Variants in FRMPD2 observed in about 807,000 individuals in gnomAD.
The protein encoded by FRMPD2 is FERM and PDZ domain-containing protein 2.
FRMPD2 carries 96 observed loss-of-function variants against 140.1 expected under a neutral mutation model. The ratio of observed to expected loss-of-function variants is 0.69; its 90% confidence interval spans 0.58 to 0.81. The LOEUF is 0.81. Among genes scored for constraint, FRMPD2 ranks in the 40% least tolerant of loss-of-function variants. FRMPD2 has a pLI of 0.00. For missense variants in FRMPD2, 1,240 were observed against 1,447.4 expected (o/e 0.86, Z 2.32); for synonymous variants, 449 against 547.6 (o/e 0.82, Z 2.52).
intron 4 of FRMPD2, among the ~76,000 whole-genome samples, chr10:48,244,467 T>A (rs1840198964): frequency 6.6e-6 from 1 of 152,242 alleles, no homozygotes; most frequent in South Asian, 2.1e-4. Context: ...AAAATATATG[T>A]AAATCTGTAT....
chr10:48,199,700 T>A (rs1325833677), intron 15 of FRMPD2: 1 of 152,174 alleles, frequency 6.6e-6, no homozygotes, highest in African/African-American at 2.4e-5. Flanking sequence ...TACCAAACTC[T>A]CAATTAAGAG....
chr10:48,223,074 A>G (rs753730028), intron 11 of FRMPD2, 49 bp downstream of exon 11: 1 of 1,548,644 alleles, frequency 6.5e-7, no homozygotes, highest in Non-Finnish European at 8.8e-7. Flanking sequence ...GTCAGCCTGG[A>G]CATACATAAA....
At chr10:48,188,569 G>C (rs1049609766) in intron 16 of FRMPD2, among the ~76,000 whole-genome samples, 1 of 152,220 alleles carries the variant, frequency 6.6e-6, no homozygotes, top group Non-Finnish European at 1.5e-5. Flanking sequence ...TCCCCAGCCT[G>C]CTGTGGGATG....
intron 1 of FRMPD2, among the ~76,000 whole-genome samples, chr10:48,265,861 C>G (rs1840668373): frequency 6.6e-6 from 1 of 152,184 alleles, no homozygotes; most frequent in African/African-American, 2.4e-5. Flanking sequence ...AATCCCACTA[C>G]TGGGTATATA....
In FRMPD2 at chr10:48,222,373, C is replaced by A. The variant is rs754454601; in HGVS notation, c.1395G>T (p.Glu465Asp). 1.6e-5 allele frequency: 26 copies of A among 1,614,104 alleles called. No homozygotes were observed. The highest frequency in any genetic ancestry group is 2.0e-5 in the Non-Finnish European group (24 of 1,180,028). Residue 465 changes from glutamate (E) to aspartate (D), a missense_variant, in exon 12 of 29, where the codon GAG becomes GAT. Physicochemically the swap from Glu to Asp is conservative, Grantham distance 45. Transcript: ENST00000374201. ...CAAGGACCCCCAGCTGCAGCAGTAT[C>A]TCTTCATTGCAGTACAGCCTCTCCT... The part of the protein sequence containing the change: ...ILEERLYCNE[E>D]ILLQLGVLAL...
At chr10:48,222,667 T>G (rs1018380105) in intron 11 of FRMPD2, among the ~76,000 whole-genome samples, 1 of 152,212 alleles carries the variant, frequency 6.6e-6, no homozygotes, top group African/African-American at 2.4e-5. Flanking sequence ...GCCAGTCACT[T>G]CATACAAACT....
rs570196095 is a variant in FRMPD2 at position 48,240,378 on chromosome 10, A to G, written c.682T>C (p.Cys228Arg). ...TACCCACCTCTGCAAGGATGCAGAC[A>G]CTCCGGGGCCTGTGCCGCTGGGCTC... ...SESPAAQAPE[C>R]LHPCRVSERS... is the part of the protein sequence containing the mutation. The change falls in exon 6 of 29, where the codon TGT becomes CGT. Residue 228 changes from cysteine (C) to arginine (R), a missense_variant. Physicochemically the swap from Cys to Arg is radical, Grantham distance 180. Transcript: ENST00000374201. 5.2e-5 allele frequency: 84 copies of G among 1,612,638 alleles called. 2 individuals carry two copies. In the Admixed American group the frequency reaches 1.0e-3, roughly 19 times the overall value.
At chr10:48,246,240 T>C (rs1190131015) in intron 3 of FRMPD2, among the ~76,000 whole-genome samples, 1 of 152,170 alleles carries the variant, frequency 6.6e-6, no homozygotes. Flanking sequence ...TGATGGAGCA[T>C]AGAGACTCAT....
At chr10:48,235,563 T>C (rs1839948213) in intron 9 of FRMPD2, among the ~76,000 whole-genome samples, 1 of 152,078 alleles carries the variant, frequency 6.6e-6, no homozygotes, top group South Asian at 2.1e-4. Flanking sequence ...GAAGGACAAG[T>C]GGAGGGCGAT....
intron 16 of FRMPD2, 107 bp downstream of exon 16, chr10:48,192,577 C>A (rs962101496): frequency 9.6e-7 from 1 of 1,042,006 alleles, no homozygotes; most frequent in South Asian, 1.5e-5. Flanking sequence ...GCAACAAGAG[C>A]AAAACTCAGT....
intron 12 of FRMPD2, among the ~76,000 whole-genome samples, chr10:48,218,330 G>T (rs543967231): frequency 4.6e-5 from 7 of 152,306 alleles, no homozygotes; most frequent in Admixed American, 3.3e-4. Context: ...CGATGACGTA[G>T]CAGACTAGAA....
chr10:48,223,125 G>A lies in FRMPD2; in HGVS notation c.1314C>T (p.Leu438=). The A allele has an allele frequency of 6.2e-7, 1 of 1,612,798 alleles. No individual in the cohort carries two copies. The highest frequency in any genetic ancestry group is 8.5e-7 in the Non-Finnish European group (1 of 1,179,176). The part of the protein sequence containing the change: ...IKFFVSHYGL[L]QHSLTRHQFY... Reference sequence around the variant, plus strand: ...ATGAACAGGTTTGCAGCACTCACTGGAGCAGCCCATAGTGGCTGACAAAGA... The same window carrying A: ...ATGAACAGGTTTGCAGCACTCACTGAAGCAGCCCATAGTGGCTGACAAAGA... The change falls in exon 11 of 29, where the codon CTC becomes CTT. Residue 438 remains leucine (L), a splice_region_variant and synonymous_variant. Transcript: ENST00000374201.
At chr10:48,254,837 AT>A (rs1338737056) in intron 1 of FRMPD2, among the ~76,000 whole-genome samples, 3 of 152,156 alleles carry the variant, frequency 2.0e-5, no homozygotes, top group African/African-American at 7.2e-5. Context: ...TCCCCACCAT[AT>A]TATGCTGGCT....
intron 17 of FRMPD2, among the ~76,000 whole-genome samples, chr10:48,186,124 G>T (rs1380465301): frequency 6.6e-6 from 1 of 152,218 alleles, no homozygotes; most frequent in Non-Finnish European, 1.5e-5. Context: ...TGTGACCTGT[G>T]GTCTTCCCCT....
intron 27 of FRMPD2, among the ~76,000 whole-genome samples, chr10:48,167,814 C>CA (rs1397624898): frequency 1.3e-5 from 2 of 152,042 alleles, no homozygotes; most frequent in African/African-American, 4.8e-5. Flanking sequence ...TTGAGTAAAA[C>CA]AGATTGTCTT....
Position 48,206,791 on chromosome 10 carries a change from A to G in FRMPD2, c.1754T>C (p.Met585Thr), listed in dbSNP as rs750991163. 126 of 1,613,924 alleles carry G rather than the reference A, an allele frequency of 7.8e-5. No individual in the cohort carries two copies. Among genetic ancestry groups the G allele is most frequent in the Non-Finnish European group, 1.0e-4 (121 of 1,179,946 alleles). ...YEVKNNSRIA[M>T]LRFQWRETGK... ...GGTTTCTCTCCACTGAAACCGTAAC[A>G]TTGCAATTCTGCTGTTGTTTTTCAC... The change falls in exon 14 of 29, where the codon ATG becomes ACG. Residue 585 changes from methionine to threonine, a missense_variant. This residue lies in a region of FRMPD2 where 1,161 missense variants were observed against 1,055.9 expected (regional missense o/e 1.10). Transcript: ENST00000374201.
intron 16 of FRMPD2, among the ~76,000 whole-genome samples, chr10:48,191,992 A>G (rs535599990): frequency 6.6e-6 from 1 of 152,340 alleles, no homozygotes; most frequent in Non-Finnish European, 1.5e-5. Context: ...GGAAACACTT[A>G]ACAGAGTCAT....
rs144056910 is a variant in FRMPD2, at chr10:48,241,112, C to T, written c.568-620G>A. Among the ~76,000 whole-genome samples, 116 of 152,286 alleles carry T rather than the reference C, an allele frequency of 7.6e-4. 3 individuals carry two copies. In the Middle Eastern group the frequency reaches 0.014, roughly 18 times the overall value. ...TCAAATAAATATAGTCCATTTCCCC[C>T]ACCAAATCCTCTGGCTCAATTCATA... is the stretch of plus-strand genomic sequence containing the variant. On this transcript the variant is annotated intron_variant, in intron 5 of 28. Transcript: ENST00000374201.
chr10:48,237,473 C>T (rs530470391), intron 8 of FRMPD2, among the ~76,000 whole-genome samples: 4 of 152,262 alleles, frequency 2.6e-5, no homozygotes, highest in African/African-American at 9.6e-5. Flanking sequence ...CATCCTGAGG[C>T]TATTTGGAGC....
Sources: allele counts gnomAD v4.1 joint callset (sites outside exome capture counted in the v4.1 genomes callset), GRCh38; gene constraint gnomAD v4.1.1; regional missense constraint gnomAD v4.1.1; transcripts MANE v1.5; gene names NCBI Gene and HGNC (gene_info 2026-07-23, HGNC 2026-07-21).